Variants in SF3B3 observed in about 807,000 individuals in gnomAD.
The protein encoded by SF3B3 is splicing factor 3b subunit 3, also known as SAP 130.
Under a neutral mutation model 139.2 loss-of-function variants are expected in SF3B3, and 33 were observed. The ratio of observed to expected loss-of-function variants is 0.24; its 90% confidence interval spans 0.18 to 0.32. SF3B3 has a LOEUF of 0.32. SF3B3 is among the 10% of genes least tolerant of loss of function. The pLI is 1.00. For synonymous variants in SF3B3, 596 were observed against 563.6 expected (o/e 1.06, Z -0.81); for missense variants, 818 against 1,509.4 (o/e 0.54, Z 7.59).
At position 70,541,659 on chromosome 16, in the gene SF3B3, T is replaced by G; in HGVS notation, c.1068-10T>G. On this transcript the variant is annotated splice_polypyrimidine_tract_variant and intron_variant, in intron 8 of 25. Transcript: ENST00000302516. The stretch of plus-strand genomic sequence containing the variant: ...GTTACCGAAAGTTTCTCTCCTCTGC[T>G]TCTTCCCAGTTACTTATATCAAATT... The G allele has an allele frequency of 6.2e-7, 1 of 1,612,240 alleles. No homozygotes were observed.
chr16:70,565,600 G>A, intron 20 of SF3B3, 76 bp downstream of exon 20: 3 of 1,340,202 alleles, frequency 2.2e-6, no homozygotes, highest in Non-Finnish European at 3.1e-6. Flanking sequence ...TTATGGATCA[G>A]GTCTTTTGGG....
chr16:70,561,111 C>T (rs942578472), intron 16 of SF3B3, among the ~76,000 whole-genome samples: 1 of 152,162 alleles, frequency 6.6e-6, no homozygotes, highest in South Asian at 2.1e-4. Flanking sequence ...ACCTCCGCCT[C>T]CTGGGTTCAA....
chr16:70,547,841 C>T (rs765368799), intron 10 of SF3B3, among the ~76,000 whole-genome samples: 41 of 152,290 alleles, frequency 2.7e-4, no homozygotes, highest in Admixed American at 9.8e-4. Flanking sequence ...CCACCCGCCT[C>T]GGCATCCCAA....
intron 22 of SF3B3, 85 bp from the exon 23 acceptor site, chr16:70,568,958 C>G: frequency 2.1e-6 from 2 of 951,036 alleles, no homozygotes; most frequent in South Asian, 1.7e-5. Context: ...GGCTGACTTG[C>G]AAAGACCTGG....
intron 11 of SF3B3, 42 bp from the exon 12 acceptor site, chr16:70,554,404 A>G (rs752232235): frequency 1.9e-6 from 3 of 1,595,212 alleles, no homozygotes; most frequent in South Asian, 2.2e-5. Context: ...TTGTAATTCT[A>G]ATGAGTTCTT....
intron 5 of SF3B3, among the ~76,000 whole-genome samples, chr16:70,533,515 A>G (rs1417294650): frequency 6.6e-6 from 1 of 152,248 alleles, no homozygotes; most frequent in Non-Finnish European, 1.5e-5. Context: ...CCAGCAAATC[A>G]GATTCAGTGT....
intron 5 of SF3B3, among the ~76,000 whole-genome samples, chr16:70,534,478 C>T (rs1419207887): frequency 6.6e-6 from 1 of 152,022 alleles, no homozygotes; most frequent in Non-Finnish European, 1.5e-5. Flanking sequence ...TTAAGAGATA[C>T]TGGTAGCTGC....
chr16:70,532,946 C>G (rs191425554), intron 5 of SF3B3, among the ~76,000 whole-genome samples: 2 of 152,158 alleles, frequency 1.3e-5, no homozygotes, highest in South Asian at 2.1e-4. Context: ...AAACCTAACT[C>G]TTTCAAAAGC....
chr16:70,541,113 G>A (rs775690746), intron 8 of SF3B3, among the ~76,000 whole-genome samples: 3 of 152,186 alleles, frequency 2.0e-5, no homozygotes, highest in African/African-American at 7.2e-5. Context: ...TGTTTTCCAC[G>A]TTTGTGATTA....
intron 9 of SF3B3, among the ~76,000 whole-genome samples, chr16:70,544,035 A>G (rs2050245689): frequency 6.6e-6 from 1 of 152,166 alleles, no homozygotes; most frequent in South Asian, 2.1e-4. Flanking sequence ...TGATATTTTT[A>G]AATGCATATG....
intron 15 of SF3B3, 108 bp downstream of exon 15, chr16:70,557,137 C>T: frequency 8.2e-7 from 1 of 1,218,458 alleles, no homozygotes; most frequent in Non-Finnish European, 1.1e-6. Context: ...CAGATCCTCA[C>T]CTTATGAAAA....
At chr16:70,531,414 A>G (rs1266017304) in intron 4 of SF3B3, among the ~76,000 whole-genome samples, 2 of 152,016 alleles carry the variant, frequency 1.3e-5, no homozygotes, top group Admixed American at 6.5e-5. Context: ...AGTAGCTGGG[A>G]CTACAGGTGC....
rs142026362 is a variant in SF3B3, at chr16:70,555,089, G to A, written c.1593G>A (p.Lys531=). The change falls in exon 13 of 26, where the codon AAG becomes AAA. Residue 531 remains lysine (K), a synonymous_variant. Coordinates refer to ENST00000302516, the MANE Select transcript of SF3B3 (RefSeq NM_012426.5). ...GCATTCGGCACATACGAGCAGACAA[G>A]AGAGTCAATGAGTGGAAGACCCCTG... The part of the protein sequence containing the change: ...PDGIRHIRAD[K]RVNEWKTPGK... The A allele has an allele frequency of 1.9e-5, 30 of 1,614,042 alleles. No homozygotes were observed. The highest frequency in any genetic ancestry group is 2.4e-5 in the Non-Finnish European group (28 of 1,180,018).
Position 70,563,915 on chromosome 16 carries a change from A to G in SF3B3, c.2328A>G (p.Gln776=), listed in dbSNP as rs2050452078. The stretch of plus-strand genomic sequence containing the variant: ...AGAAGCTCGGTGCTGTCTTCAATCA[A>G]GTAGCCTTCCCACTGCAGTACACAC... ...ALEKLGAVFN[Q]VAFPLQYTPR... The change falls in exon 18 of 26, where the codon CAA becomes CAG. Residue 776 remains glutamine (Q), a synonymous_variant. Transcript: ENST00000302516. 6.2e-7 allele frequency: 1 copy of G among 1,614,024 alleles called. No individual in the cohort carries two copies. The highest frequency in any genetic ancestry group is 1.1e-5 in the South Asian group (1 of 91,072).
chr16:70,531,331 T>C (rs975160374), intron 4 of SF3B3, among the ~76,000 whole-genome samples: 2 of 152,082 alleles, frequency 1.3e-5, no homozygotes, highest in African/African-American at 4.8e-5. Flanking sequence ...TTTGAGACAG[T>C]CTTGCTCTGT....
intron 9 of SF3B3, among the ~76,000 whole-genome samples, chr16:70,543,909 A>G (rs1384397662): frequency 6.6e-6 from 1 of 151,468 alleles, no homozygotes; most frequent in Non-Finnish European, 1.5e-5. Flanking sequence ...GCTAGAGTGC[A>G]GTGGCACAGT....
rs528099481 is a variant in SF3B3 at position 70,536,104 on chromosome 16, A to G, written c.825+684A>G. On this transcript the variant is annotated intron_variant, in intron 6 of 25. Coordinates refer to ENST00000302516, the MANE Select transcript of SF3B3 (RefSeq NM_012426.5). Reference sequence around the variant, plus strand: ...ATATTCATATTTCTCTCATTATCCCAAAAAGTTCCTTTGTAATTAATTGGC... The same window carrying G: ...ATATTCATATTTCTCTCATTATCCCGAAAAGTTCCTTTGTAATTAATTGGC... 6.5e-4 allele frequency among the ~76,000 whole-genome samples: 99 copies of G among 152,116 alleles called. 1 individual carries two copies. The highest frequency in any genetic ancestry group is 2.3e-3 in the African/African-American group (95 of 41,522).
At chr16:70,560,753 C>T (rs1340467645) in intron 16 of SF3B3, among the ~76,000 whole-genome samples, 162 bp downstream of exon 16, 1 of 152,194 alleles carries the variant, frequency 6.6e-6, no homozygotes, top group Non-Finnish European at 1.5e-5. Flanking sequence ...AGAGCTTCCT[C>T]ACTGGGGCTC....
chr16:70,554,601 A>G lies in SF3B3; in HGVS notation c.1554+4A>G. On this transcript the variant is annotated splice_donor_region_variant and intron_variant, in intron 12 of 25. Coordinates refer to ENST00000302516, the MANE Select transcript of SF3B3 (RefSeq NM_012426.5). Reference sequence around the variant, plus strand: ...AGGAGATGATGCCTTGGTGCAGGTGAGGGTTCTCAGAGCTTACCTACTTGG... The same window carrying G: ...AGGAGATGATGCCTTGGTGCAGGTGGGGGTTCTCAGAGCTTACCTACTTGG... The G allele has an allele frequency of 6.2e-7, 1 of 1,613,968 alleles. No homozygotes were observed. Among genetic ancestry groups the G allele is most frequent in the Non-Finnish European group, 8.5e-7 (1 of 1,179,962 alleles).
Sources: gnomAD v4.1 joint callset for allele counts (sites outside exome capture counted in the v4.1 genomes callset) on GRCh38, gnomAD v4.1.1 for gene constraint, MANE v1.5 for transcripts, NCBI Gene and HGNC (gene_info 2026-07-23, HGNC 2026-07-21) for gene names.